CFAP107: variants seen among roughly 807,000 people sequenced by gnomAD.
CFAP107 encodes the protein cilia- and flagella-associated protein 107.
the CFAP107 span, chr1:12,761,657 C>A: frequency 6.6e-6 from 1 of 152,182 alleles, no homozygotes; most frequent in African/African-American, 2.4e-5. Flanking sequence ...TTGCCTCAGC[C>A]TCCTGAGTAG....
the CFAP107 span, chr1:12,759,688 G>T: frequency 1.5e-6 from 1 of 671,460 alleles, no homozygotes; most frequent in South Asian, 1.7e-5. Flanking sequence ...GGTAATCTTG[G>T]CTGTGTAATG....
At chr1:12,759,317 C>A in the CFAP107 span, 1 of 1,613,776 alleles carries the variant, frequency 6.2e-7, no homozygotes, top group South Asian at 1.1e-5. Context: ...CAGGGGCTAC[C>A]TTACAAACAC....
At chr1:12,760,960 A>G in the CFAP107 span, 1 of 1,604,784 alleles carries the variant, frequency 6.2e-7, no homozygotes, top group African/African-American at 1.3e-5. Flanking sequence ...GAGAGCTGCC[A>G]CCCCAGGAGC....
the CFAP107 span, among the ~76,000 whole-genome samples, chr1:12,751,362 C>T: frequency 5.3e-5 from 8 of 152,268 alleles, no homozygotes; most frequent in Middle Eastern, 3.4e-3. Context: ...CGCGGTGGCT[C>T]ATGCCTGTAA....
the CFAP107 span, among the ~76,000 whole-genome samples, chr1:12,754,825 G>C: frequency 6.6e-6 from 1 of 152,196 alleles, no homozygotes; most frequent in Non-Finnish European, 1.5e-5. Context: ...TACAGAGAAA[G>C]TAGAGTGATG....
At chr1:12,759,207 A>T in the CFAP107 span, 1 of 1,349,062 alleles carries the variant, frequency 7.4e-7, no homozygotes, top group Non-Finnish European at 1.0e-6. Context: ...CGCTCTCTCC[A>T]TCAGCACCAC....
At chr1:12,762,025 C>T in the CFAP107 span, 1 of 152,378 alleles carries the variant, frequency 6.6e-6, no homozygotes, top group African/African-American at 2.4e-5. Flanking sequence ...ACCTTTGGCC[C>T]TTTGCATGCT....
the CFAP107 span, among the ~76,000 whole-genome samples, chr1:12,752,440 C>G: frequency 6.6e-6 from 1 of 150,808 alleles, no homozygotes; most frequent in Non-Finnish European, 1.5e-5. Context: ...CAAAAATTAG[C>G]TGGGCATAGT....
chr1:12,748,418 T>G, the CFAP107 span, among the ~76,000 whole-genome samples: 1 of 151,068 alleles, frequency 6.6e-6, no homozygotes, highest in African/African-American at 2.4e-5. Context: ...GACTTTTTTT[T>G]GGAAATTAAA....
the CFAP107 span, among the ~76,000 whole-genome samples, chr1:12,748,559 G>A: frequency 6.6e-6 from 1 of 150,894 alleles, no homozygotes; most frequent in South Asian, 2.1e-4. Flanking sequence ...CTGACCCCAA[G>A]ACTCAGAACA....
the CFAP107 span, chr1:12,746,301 T>A: frequency 6.7e-6 from 4 of 595,742 alleles, no homozygotes; most frequent in South Asian, 1.8e-5. Flanking sequence ...AGTCATCTAC[T>A]AGCCATTCAG....
chr1:12,759,371 G>T, the CFAP107 span: 5 of 1,614,142 alleles, frequency 3.1e-6, no homozygotes, highest in Non-Finnish European at 4.2e-6. Flanking sequence ...TACCTGATCA[G>T]CACCTATGAC....
the CFAP107 span, among the ~76,000 whole-genome samples, chr1:12,757,793 T>C: frequency 2.3e-3 from 354 of 152,160 alleles, 4 homozygotes; most frequent in African/African-American, 8.1e-3. Context: ...AGCTCTTCTG[T>C]TTGCTTCATG....
At chr1:12,747,226 C>A in the CFAP107 span, among the ~76,000 whole-genome samples, 1 of 151,990 alleles carries the variant, frequency 6.6e-6, no homozygotes, top group Non-Finnish European at 1.5e-5. Flanking sequence ...TGCCACCATG[C>A]CCAGCTAATT....
At chr1:12,755,689 G>C in the CFAP107 span, 8 of 1,573,056 alleles carry the variant, frequency 5.1e-6, no homozygotes, top group South Asian at 4.4e-5. Flanking sequence ...TGAATATTTG[G>C]TCTTTTCCAG....
the CFAP107 span, among the ~76,000 whole-genome samples, chr1:12,750,458 G>A: frequency 2.0e-5 from 3 of 152,144 alleles, no homozygotes; most frequent in Admixed American, 6.5e-5. Context: ...TTATAAAACA[G>A]GATCCAACTA....
At chr1:12,758,502 AT>A in the CFAP107 span, among the ~76,000 whole-genome samples, 1 of 152,106 alleles carries the variant, frequency 6.6e-6, no homozygotes, top group African/African-American at 2.4e-5. Flanking sequence ...TTCCTCTGGC[AT>A]TGTGATCTGA....
the CFAP107 span, among the ~76,000 whole-genome samples, chr1:12,751,215 TAAGAA>T: frequency 1.3e-5 from 2 of 151,812 alleles, no homozygotes; most frequent in African/African-American, 2.4e-5. Flanking sequence ...CTTTACACTT[TAAGAA>T]AACAGAAAAA....
chr1:12,749,399 C>A, the CFAP107 span, among the ~76,000 whole-genome samples: 1 of 152,072 alleles, frequency 6.6e-6, no homozygotes, highest in African/African-American at 2.4e-5. Flanking sequence ...ATTGCTTGAG[C>A]CCAGGAGTTC....
Sources: gnomAD v4.1 joint callset for allele counts (sites outside exome capture counted in the v4.1 genomes callset) on GRCh38, gnomAD v4.1.1 for gene constraint, MANE v1.5 for transcripts, NCBI Gene and HGNC (gene_info 2026-07-23, HGNC 2026-07-21) for gene names.